WDFY4: variants seen among roughly 807,000 people sequenced by gnomAD.
WDFY4 encodes the protein WD repeat- and FYVE domain-containing protein 4.
In WDFY4, 169 loss-of-function variants were observed where a neutral mutation model predicts 351.9. The observed-to-expected ratio is 0.48, with a 90% CI of 0.42 to 0.55. The LOEUF (loss-of-function observed/expected upper bound fraction) is 0.55, where lower values mean the gene tolerates loss of function less well. WDFY4 is among the 20% of genes least tolerant of loss of function. The probability of loss-of-function intolerance (pLI) is 0.00; values close to 1 mark genes in which losing one functional copy is unlikely to be tolerated. For synonymous variants in WDFY4, 1,622 were observed against 1,574.6 expected (o/e 1.03, Z -0.71); for missense variants, 3,803 against 3,935.6 (o/e 0.97, Z 0.90).
chr10:48,888,665 T>C (rs1008092790), intron 43 of WDFY4, among the ~76,000 whole-genome samples: 1 of 152,196 alleles, frequency 6.6e-6, no homozygotes, highest in Non-Finnish European at 1.5e-5. Context: ...ATCTTAGCCG[T>C]ACTGACCACT....
intron 20 of WDFY4, among the ~76,000 whole-genome samples, 183 bp from the exon 21 acceptor site, chr10:48,788,347 T>C (rs2066564158): frequency 6.6e-6 from 1 of 152,168 alleles, no homozygotes; most frequent in South Asian, 2.1e-4. Context: ...TCTATAACTA[T>C]CAGAGAAGAG....
Position 48,926,513 on chromosome 10 carries a change from A to C in WDFY4, c.7587-15293A>C, listed in dbSNP as rs529319648. Among the ~76,000 whole-genome samples the C allele has an allele frequency of 2.1e-3, 321 of 152,332 alleles. 2 individuals are homozygous for C. The highest frequency in any genetic ancestry group is 7.4e-3 in the African/African-American group (309 of 41,572). On this transcript the variant is annotated intron_variant, in intron 47 of 61. Coordinates refer to ENST00000325239, the MANE Select transcript of WDFY4 (RefSeq NM_001394531.1). ...AGGCAGCCTTAGCCAAAGTCCCTGCAGAGGTTCAGTAATGCAGATGTTCCA... is the reference window on the plus strand; with the variant it reads ...AGGCAGCCTTAGCCAAAGTCCCTGCCGAGGTTCAGTAATGCAGATGTTCCA...
intron 39 of WDFY4, among the ~76,000 whole-genome samples, chr10:48,854,372 G>A (rs2069063381): frequency 6.6e-6 from 1 of 152,044 alleles, no homozygotes; most frequent in Admixed American, 6.5e-5. Context: ...GCCTCCCAAA[G>A]TGCTGGGATT....
rs564401918 is a variant in WDFY4, at chr10:48,720,136, G to A, written c.349+11G>A. 2.6e-6 allele frequency: 4 copies of A among 1,551,214 alleles called. No individual in the cohort carries two copies. The highest frequency in any genetic ancestry group is 3.5e-6 in the Non-Finnish European group (4 of 1,146,714). On this transcript the variant is annotated intron_variant, in intron 3 of 61. Transcript: ENST00000325239. Reference sequence around the variant, plus strand: ...TGGGGAAGCCTGCGGGTAAGAGCATGGAGGTGCTGGCAGACCCTCTACAGA... The same window carrying A: ...TGGGGAAGCCTGCGGGTAAGAGCATAGAGGTGCTGGCAGACCCTCTACAGA...
At chr10:48,707,524 A>G (rs775901110) in intron 1 of WDFY4, among the ~76,000 whole-genome samples, 22 of 152,228 alleles carry the variant, frequency 1.4e-4, no homozygotes, top group Non-Finnish European at 2.9e-4. Context: ...CCAGCCATCT[A>G]TCAGAGAAAG....
intron 11 of WDFY4, among the ~76,000 whole-genome samples, chr10:48,740,817 C>T (rs913916821): frequency 2.6e-5 from 4 of 152,122 alleles, no homozygotes; most frequent in Non-Finnish European, 4.4e-5. Flanking sequence ...AAGAGCAAAA[C>T]GACAATTCAA....
chr10:48,943,658 T>A (rs924246616), intron 49 of WDFY4, among the ~76,000 whole-genome samples: 1 of 151,940 alleles, frequency 6.6e-6, no homozygotes, highest in Non-Finnish European at 1.5e-5. Context: ...AAAGGCGCAA[T>A]CTCTGCTCAC....
intron 49 of WDFY4, 101 bp downstream of exon 49, chr10:48,943,550 C>A: frequency 7.9e-7 from 1 of 1,272,052 alleles, no homozygotes; most frequent in Non-Finnish European, 1.0e-6. Context: ...GAGGTTCCGT[C>A]ACATGAACCT....
intron 31 of WDFY4, among the ~76,000 whole-genome samples, chr10:48,815,087 G>T (rs773566140): frequency 6.6e-6 from 1 of 152,320 alleles, no homozygotes; most frequent in East Asian, 1.9e-4. Context: ...CTGGGATGTA[G>T]TATAGCAGGT....
At chr10:48,945,723 G>C (rs1429330367) in intron 49 of WDFY4, among the ~76,000 whole-genome samples, 2 of 152,212 alleles carry the variant, frequency 1.3e-5, no homozygotes, top group Non-Finnish European at 2.9e-5. Flanking sequence ...TAGGAGCCAA[G>C]TGCCTCATAG....
chr10:48,788,999 C>A (rs577138725), intron 21 of WDFY4, among the ~76,000 whole-genome samples: 1 of 152,138 alleles, frequency 6.6e-6, no homozygotes, highest in South Asian at 2.1e-4. Flanking sequence ...GACCCACTAA[C>A]ACTGAGATAT....
At chr10:48,705,720 G>A (rs1470382600) in intron 1 of WDFY4, among the ~76,000 whole-genome samples, 1 of 152,198 alleles carries the variant, frequency 6.6e-6, no homozygotes, top group East Asian at 1.9e-4. Context: ...TTCAAGTGAA[G>A]GTGAGTCAAG....
rs765227785 is a variant in WDFY4, at chr10:48,828,891, G to A, written c.6335G>A (p.Ser2112Asn). 5 of 1,262,066 alleles carry A rather than the reference G, an allele frequency of 4.0e-6. No individual in the cohort carries two copies. In the South Asian group the frequency reaches 6.7e-5, roughly 17 times the overall value. The allele number at this position is 1,262,066 out of a possible 1,614,324, so 78.2% of individuals were successfully genotyped here. A position where few individuals can be genotyped will look rare whatever the true frequency, so the allele number is the denominator to read the frequency against. Residue 2112 changes from serine (S) to asparagine (N), a missense_variant, in exon 37 of 62, where the codon AGT becomes AAT. Around this residue, in one of 3 missense-constraint regions of WDFY4, gnomAD observed 3,054 missense variants for 3,148.6 expected, o/e 0.97. Transcript: ENST00000325239. The part of the protein sequence containing the change: ...KEKREDLPSL[S>N]DVQHNIQKTV... ...AAAAGAGAAGACTTACCAAGTTTGAGTGATGGTACATTTTATTTGTCATTG... is the reference window on the plus strand; with the variant it reads ...AAAAGAGAAGACTTACCAAGTTTGAATGATGGTACATTTTATTTGTCATTG...
At chr10:48,891,033 C>T (rs948739014) in intron 44 of WDFY4, among the ~76,000 whole-genome samples, 3 of 152,226 alleles carry the variant, frequency 2.0e-5, no homozygotes, top group Non-Finnish European at 4.4e-5. Context: ...CGTCAACTTA[C>T]TCACTCAACG....
intron 58 of WDFY4, among the ~76,000 whole-genome samples, chr10:48,975,330 G>A (rs1842521087): frequency 1.3e-5 from 2 of 152,306 alleles, no homozygotes; most frequent in Middle Eastern, 3.4e-3. Flanking sequence ...GGAGGGTTTT[G>A]TTGGATGTGG....
At chr10:48,827,186 A>T (rs557286548) in intron 36 of WDFY4, among the ~76,000 whole-genome samples, 1 of 152,268 alleles carries the variant, frequency 6.6e-6, no homozygotes, top group African/African-American at 2.4e-5. Context: ...TGAGGCAGAA[A>T]ATGCCAACAT....
chr10:48,746,953 T>G (rs940553356), intron 12 of WDFY4, among the ~76,000 whole-genome samples: 18 of 152,356 alleles, frequency 1.2e-4, no homozygotes, highest in Middle Eastern at 3.4e-3. Flanking sequence ...CCTACATGCT[T>G]TCAATGTCTG....
rs1054567194 is a variant in WDFY4 at position 48,743,129 on chromosome 10, G to C, written c.2040G>C (p.Leu680=). Residue 680 remains leucine (L), a synonymous_variant, in exon 12 of 62, where the codon CTG becomes CTC. Transcript: ENST00000325239. ...GAVSPRQTLE[L]VLYTLCAVSA... ...TATCCCCCAGACAGACCCTGGAGCT[G>C]GTTTTGTACACTCTCTGTGCTGTGT... 2 of 1,551,710 alleles carry C rather than the reference G, an allele frequency of 1.3e-6. No homozygotes were observed. The highest frequency in any genetic ancestry group is 1.7e-6 in the Non-Finnish European group (2 of 1,147,002).
intron 40 of WDFY4, among the ~76,000 whole-genome samples, chr10:48,873,192 C>T (rs1321461690): frequency 1.3e-5 from 2 of 152,242 alleles, no homozygotes; most frequent in Admixed American, 6.5e-5. Context: ...TGAGCTGCTA[C>T]AGGACCTTCC....
Sources: gnomAD v4.1 joint callset for allele counts (sites outside exome capture counted in the v4.1 genomes callset) on GRCh38, gnomAD v4.1.1 for gene constraint, gnomAD v4.1.1 regional missense constraint, MANE v1.5 for transcripts, NCBI Gene and HGNC (gene_info 2026-07-23, HGNC 2026-07-21) for gene names.